ACBD5: variants seen among roughly 807,000 people sequenced by gnomAD.
The protein encoded by ACBD5 is acyl-CoA-binding domain-containing protein 5.
A neutral mutation model predicts 71.8 loss-of-function variants in ACBD5; 40 were observed. The observed-to-expected ratio is 0.56, with a 90% confidence interval of 0.43 to 0.72. The LOEUF (loss-of-function observed/expected upper bound fraction) is 0.72, where lower values mean the gene tolerates loss of function less well. ACBD5 is among the 30% of genes least tolerant of loss of function. The probability of loss-of-function intolerance (pLI) is 0.00; values close to 1 mark genes in which losing one functional copy is unlikely to be tolerated. For synonymous variants in ACBD5, 229 were observed against 218.6 expected, an observed-to-expected ratio of 1.05 and a Z score of -0.42; for missense variants, 559 against 644.5, an observed-to-expected ratio of 0.87 and a Z score of 1.44.
chr10:27,188,476 G>A (rs1371503696), intron 13 of ACBD5, among the ~76,000 whole-genome samples: 1 of 152,188 alleles, frequency 6.6e-6, no homozygotes, highest in Non-Finnish European at 1.5e-5. Flanking sequence ...AATTTGGAGA[G>A]TTGGAATGAA....
At chr10:27,215,921 C>T (rs1282977900) in intron 7 of ACBD5, among the ~76,000 whole-genome samples, 1 of 151,988 alleles carries the variant, frequency 6.6e-6, no homozygotes, top group East Asian at 1.9e-4. Flanking sequence ...GTGGCCCAGG[C>T]TGGAGTGCAG....
chr10:27,204,391 A>C (rs1331700070), intron 12 of ACBD5, 49 bp downstream of exon 12: 1 of 1,381,860 alleles, frequency 7.2e-7, no homozygotes, highest in Non-Finnish European at 1.0e-6. Flanking sequence ...TCTGTCTACT[A>C]TAGGTTATGA....
chr10:27,216,428 AC>A (rs2061638020), intron 7 of ACBD5, among the ~76,000 whole-genome samples: 1 of 151,860 alleles, frequency 6.6e-6, no homozygotes, highest in Non-Finnish European at 1.5e-5. Context: ...GGCATGAATC[AC>A]CGCACTCAGC....
chr10:27,186,597 C>A, intron 13 of ACBD5: 1 of 1,330,194 alleles, frequency 7.5e-7, no homozygotes, highest in Non-Finnish European at 1.1e-6. Context: ...TAATTATATA[C>A]TCCTTAATAC....
chr10:27,195,620 A>T lies in ACBD5; in HGVS notation c.*1810T>A, dbSNP rs1233408486. The T allele has an allele frequency of 4.7e-6, 2 of 425,268 alleles. No individual in the cohort carries two copies. The highest frequency in any genetic ancestry group is 3.4e-5 in the South Asian group (2 of 58,100). 26.3% of individuals were successfully genotyped at this position (425,268 alleles called of 1,614,324 possible). ...AAATGTTATTTTTACATATAAATTC[A>T]GTTGCTTGCTTCACTTTTTCCTAAA... On this transcript the variant is annotated 3_prime_UTR_variant, in exon 13 of 13. Coordinates refer to ENST00000396271, the MANE Select transcript of ACBD5 (RefSeq NM_145698.5).
intron 2 of ACBD5, among the ~76,000 whole-genome samples, chr10:27,238,610 T>C (rs1033162046): frequency 3.9e-5 from 6 of 152,254 alleles, no homozygotes; most frequent in East Asian, 1.9e-4. Flanking sequence ...CCTCCTCCAA[T>C]AGAATGTTTG....
chr10:27,234,945 CAAAA>C, intron 3 of ACBD5, 143 bp downstream of exon 3: 1 of 640,742 alleles, frequency 1.6e-6, no homozygotes, highest in South Asian at 2.1e-5. Context: ...AACAAACAAA[CAAAA>C]AAGAAAACCT....
intron 9 of ACBD5, among the ~76,000 whole-genome samples, chr10:27,208,736 C>T (rs545279059): frequency 7.9e-5 from 12 of 152,098 alleles, no homozygotes; most frequent in African/African-American, 2.9e-4. Flanking sequence ...TACTCAGGAG[C>T]CTGAGGCAGG....
At chr10:27,221,807 A>G (rs2062371874) in intron 5 of ACBD5, among the ~76,000 whole-genome samples, 1 of 150,684 alleles carries the variant, frequency 6.6e-6, no homozygotes, top group Non-Finnish European at 1.5e-5. Flanking sequence ...AATCCCAGCT[A>G]CCTGGGAGGC....
chr10:27,242,018 G>A (rs1450352173), upstream of ACBD5: 1 of 453,598 alleles, frequency 2.2e-6, no homozygotes, highest in Non-Finnish European at 4.4e-6. Context: ...GGCGCAGATC[G>A]TAAGTTACTC....
At chr10:27,184,301 C>A (rs1422083055) in intron 13 of ACBD5, among the ~76,000 whole-genome samples, 1 of 152,112 alleles carries the variant, frequency 6.6e-6, no homozygotes, top group Non-Finnish European at 1.5e-5. Flanking sequence ...TGAAGAGGGG[C>A]ATTTGAGCAG....
chr10:27,204,349 G>T, intron 12 of ACBD5, 91 bp downstream of exon 12: 1 of 860,450 alleles, frequency 1.2e-6, no homozygotes, highest in Non-Finnish European at 2.0e-6. Flanking sequence ...TCTATAAAAT[G>T]GACCTAGCAT....
upstream of ACBD5, among the ~76,000 whole-genome samples, chr10:27,241,374 G>T (rs1402988799): frequency 6.6e-6 from 1 of 152,188 alleles, no homozygotes; most frequent in Non-Finnish European, 1.5e-5. Context: ...ACCTTGGATG[G>T]AGGTGCTCAG....
chr10:27,217,687 T>C (rs1313583817), intron 7 of ACBD5, among the ~76,000 whole-genome samples: 1 of 151,976 alleles, frequency 6.6e-6, no homozygotes, highest in Non-Finnish European at 1.5e-5. Context: ...TGATGGTACA[T>C]GCCTGTAATC....
intron 3 of ACBD5, among the ~76,000 whole-genome samples, chr10:27,234,689 C>T (rs190566576): frequency 1.6e-4 from 25 of 152,124 alleles, no homozygotes; most frequent in Non-Finnish European, 4.4e-5. Context: ...CCCAGCACTT[C>T]GGGAGGCCGA....
intron 13 of ACBD5, among the ~76,000 whole-genome samples, chr10:27,184,495 C>T (rs2058526381): frequency 6.8e-6 from 1 of 147,508 alleles, no homozygotes. Flanking sequence ...ATGTGAGTGT[C>T]TGAATGCAAC....
chr10:27,210,937 C>T lies in ACBD5; in HGVS notation c.1081G>A (p.Ala361Thr). Residue 361 changes from alanine (A) to threonine (T), a missense_variant, in exon 9 of 13, where the codon GCA (alanine) becomes ACA (threonine). Physicochemically the swap from Ala to Thr is moderately conservative, Grantham distance 58 (BLOSUM62 0). Transcript: ENST00000396271. ...NGNIGNMQVV[A>T]VEGKGEVKHG... is the part of the protein sequence containing the mutation. The stretch of plus-strand genomic sequence containing the variant: ...TTGACTTCACCTTTTCCTTCAACTG[C>T]AACCACCTGCATATTCCCAATGTTG... 6.2e-7 allele frequency: 1 copy of T among 1,614,210 alleles called. No homozygotes were observed. The highest frequency in any genetic ancestry group is 8.5e-7 in the Non-Finnish European group (1 of 1,180,038).
At chr10:27,228,806 TA>T (rs2063431364) in intron 4 of ACBD5, among the ~76,000 whole-genome samples, 1 of 5,164 alleles carries the variant, frequency 1.9e-4, no homozygotes, top group Non-Finnish European at 6.0e-4. Context: ...TATATATATA[TA>T]TATATATATT....
At position 27,240,014 on chromosome 10, in the gene ACBD5, T is replaced by C. The variant is rs776961299; in HGVS notation, c.181+305A>G. ...CCATCCACCTCGGCCTCCCAAAGTG[T>C]TGGGATTACAGGCTTGAGCCACCGC... On this transcript the variant is annotated intron_variant, in intron 2 of 12. Coordinates refer to ENST00000396271, the MANE Select transcript of ACBD5 (RefSeq NM_145698.5). This position sits in a 1 kb window ranked among gnomAD's most constrained non-coding sequence, Gnocchi z 4.1. Among the ~76,000 whole-genome samples the C allele has an allele frequency of 2.0e-5, 3 of 152,108 alleles. No homozygotes were observed. Among genetic ancestry groups the C allele is most frequent in the African/African-American group, 4.8e-5 (2 of 41,410 alleles).
Sources: gnomAD v4.1 joint callset for allele counts (sites outside exome capture counted in the v4.1 genomes callset) on GRCh38, gnomAD v4.1.1 for gene constraint, Gnocchi (gnomAD v3.1) non-coding constraint, MANE v1.5 for transcripts, NCBI Gene and HGNC (gene_info 2026-07-23, HGNC 2026-07-21) for gene names.